The following BRD10 variants were observed in gnomAD, a reference collection of about 807,000 sequenced individuals.
BRD10 encodes the protein uncharacterized bromodomain-containing protein 10.
chr9:5,936,753 C>G, the BRD10 span, among the ~76,000 whole-genome samples: 1 of 152,094 alleles, frequency 6.6e-6, no homozygotes, highest in Non-Finnish European at 1.5e-5. Context: ...AATACAAAAA[C>G]TAAGAATGAT....
chr9:5,918,334 T>C, the BRD10 span, among the ~76,000 whole-genome samples: 4 of 152,174 alleles, frequency 2.6e-5, no homozygotes, highest in Non-Finnish European at 5.9e-5. Flanking sequence ...TTTAACAACA[T>C]TATAAATGGA....
At chr9:5,944,820 A>G in the BRD10 span, 4 of 851,934 alleles carry the variant, frequency 4.7e-6, no homozygotes, top group Non-Finnish European at 7.0e-6. Context: ...AAAAGCAGGA[A>G]TAAATTTTAA....
chr9:5,915,628 C>T, the BRD10 span, among the ~76,000 whole-genome samples: 1 of 152,164 alleles, frequency 6.6e-6, no homozygotes, highest in Non-Finnish European at 1.5e-5. Context: ...TCTTTGTGGG[C>T]CCAGTTATAA....
At chr9:5,938,803 A>C in the BRD10 span, among the ~76,000 whole-genome samples, 2 of 152,330 alleles carry the variant, frequency 1.3e-5, no homozygotes, top group African/African-American at 2.4e-5. Context: ...GTTTACCAGA[A>C]GATCTAGAAT....
the BRD10 span, among the ~76,000 whole-genome samples, chr9:5,982,566 T>C: frequency 1.3e-5 from 2 of 152,208 alleles, no homozygotes; most frequent in Non-Finnish European, 2.9e-5. Context: ...CCCCTCACCA[T>C]GTGATGCCCT....
chr9:5,881,913 T>A, the BRD10 span, among the ~76,000 whole-genome samples: 4 of 152,182 alleles, frequency 2.6e-5, no homozygotes, highest in African/African-American at 9.7e-5. Context: ...GCAATGGAGA[T>A]ACAGAAAGAC....
At chr9:5,926,052 G>T in the BRD10 span, among the ~76,000 whole-genome samples, 1 of 152,022 alleles carries the variant, frequency 6.6e-6, no homozygotes, top group Non-Finnish European at 1.5e-5. Flanking sequence ...TGAGTAGCTG[G>T]GATTACAGAC....
At chr9:5,921,431 A>C in the BRD10 span, 1 of 1,613,998 alleles carries the variant, frequency 6.2e-7, no homozygotes, top group South Asian at 1.1e-5. Context: ...TTCTGCAACA[A>C]GAGTTGGGGT....
the BRD10 span, among the ~76,000 whole-genome samples, chr9:5,936,825 A>T: frequency 6.6e-6 from 1 of 152,208 alleles, no homozygotes; most frequent in African/African-American, 2.4e-5. Flanking sequence ...AGAACCATGG[A>T]AGGTAGTAAT....
chr9:5,998,350 A>C, the BRD10 span, among the ~76,000 whole-genome samples: 1 of 152,094 alleles, frequency 6.6e-6, no homozygotes, highest in East Asian at 1.9e-4. Flanking sequence ...AAAAGTCTAC[A>C]TATATTAGTT....
At chr9:5,920,677 A>G in the BRD10 span, 10 of 1,613,972 alleles carry the variant, frequency 6.2e-6, no homozygotes, top group South Asian at 8.8e-5. Context: ...TAGATACAGA[A>G]CGTGTGGCTC....
chr9:5,895,189 A>G, the BRD10 span, among the ~76,000 whole-genome samples: 31 of 152,334 alleles, frequency 2.0e-4, 1 homozygote, highest in Admixed American at 9.1e-4. Context: ...ACTTAACTTC[A>G]GTCTGTGAGT....
chr9:5,918,183 C>A, the BRD10 span, among the ~76,000 whole-genome samples: 1 of 152,222 alleles, frequency 6.6e-6, no homozygotes, highest in East Asian at 1.9e-4. Context: ...TTTCTGAGAG[C>A]CTTTAGTGAC....
chr9:5,906,896 T>A, the BRD10 span: 2 of 1,580,282 alleles, frequency 1.3e-6, no homozygotes, highest in Non-Finnish European at 1.7e-6. Context: ...ATAAAAGTCT[T>A]CATGTTGGCA....
chr9:5,919,364 A>C, the BRD10 span: 1 of 198,688 alleles, frequency 5.0e-6, no homozygotes, highest in African/African-American at 2.3e-5. Flanking sequence ...AAATGTGCAA[A>C]AGGCTAGCTT....
At chr9:5,993,267 A>C in the BRD10 span, among the ~76,000 whole-genome samples, 2 of 144,844 alleles carry the variant, frequency 1.4e-5, no homozygotes. Flanking sequence ...GTGAGCCGAG[A>C]TCTCACCACT....
chr9:5,938,770 TCA>T, the BRD10 span, among the ~76,000 whole-genome samples: 1 of 152,224 alleles, frequency 6.6e-6, no homozygotes, highest in East Asian at 1.9e-4. Context: ...GAGATAGTTT[TCA>T]GTTTTGTTAA....
chr9:5,970,606 T>A, the BRD10 span, among the ~76,000 whole-genome samples: 1 of 151,926 alleles, frequency 6.6e-6, no homozygotes, highest in African/African-American at 2.4e-5. Flanking sequence ...ACTAGAAAAA[T>A]TTCTGCTTTT....
At chr9:5,944,148 G>A in the BRD10 span, among the ~76,000 whole-genome samples, 1 of 151,988 alleles carries the variant, frequency 6.6e-6, no homozygotes, top group Admixed American at 6.6e-5. Flanking sequence ...ATTTTCTTCA[G>A]GTTTAAAGCC....
Sources: gnomAD v4.1 joint callset for allele counts (sites outside exome capture counted in the v4.1 genomes callset) on GRCh38, gnomAD v4.1.1 for gene constraint, MANE v1.5 for transcripts, NCBI Gene and HGNC (gene_info 2026-07-23, HGNC 2026-07-21) for gene names.